RABL6: variants seen among roughly 807,000 people sequenced by gnomAD.
The protein encoded by RABL6 is rab-like protein 6.
A neutral mutation model predicts 72.9 loss-of-function variants in RABL6; 28 were observed. That is an observed-to-expected ratio of 0.38 (90% CI 0.28 to 0.53). The LOEUF is 0.53. Ranked by LOEUF, RABL6 falls within the 20% of genes least tolerant of loss-of-function variation. The probability of loss-of-function intolerance (pLI) is 0.80; values close to 1 mark genes in which losing one functional copy is unlikely to be tolerated. For missense variants in RABL6, 1,029 were observed against 1,008.4 expected, an observed-to-expected ratio of 1.02 and a Z score of -0.28; for synonymous variants, 477 against 421.2, an observed-to-expected ratio of 1.13 and a Z score of -1.62.
In RABL6 at chr9:136,840,987, A is replaced by G. The variant is rs1848687039; in HGVS notation, c.*465A>G. On this transcript the variant is annotated 3_prime_UTR_variant, in exon 15 of 15. Transcript: ENST00000311502. ...GCCCTGAACACGGGTGTGCAGACTC[A>G]CCCTAAAGGGCGGCCCAGGCCCCAC... 1.4e-6 allele frequency: 2 copies of G among 1,446,276 alleles called. No homozygotes were observed. The highest frequency in any genetic ancestry group is 2.8e-5 in the Admixed American group (1 of 35,246). 89.6% of individuals were successfully genotyped at this position (1,446,276 alleles called of 1,614,324 possible). A position where few individuals can be genotyped will look rare whatever the true frequency, so the allele number is the denominator to read the frequency against.
At chr9:136,832,868 A>C (rs1848507241) in intron 7 of RABL6, 1 of 316,280 alleles carries the variant, frequency 3.2e-6, no homozygotes, top group Admixed American at 4.6e-5. Context: ...GACTAAACTC[A>C]CTTTCCTTTG....
At position 136,841,060 on chromosome 9, in the gene RABL6, G is replaced by T; in HGVS notation, c.*538G>T. On this transcript the variant is annotated 3_prime_UTR_variant, in exon 15 of 15. Coordinates refer to ENST00000311502, the MANE Select transcript of RABL6 (RefSeq NM_024718.5). The stretch of plus-strand genomic sequence containing the variant: ...AGGCAGCATGTGAGGCCTCTCCTGG[G>T]AGTGGGGGTTGTGTTTCCCACAGTG... The T allele has an allele frequency of 7.1e-7, 1 of 1,418,338 alleles. No individual in the cohort carries two copies. The allele number at this position is 1,418,338 out of a possible 1,614,324, so 87.9% of individuals were successfully genotyped here. A position where few individuals can be genotyped will look rare whatever the true frequency, so the allele number is the denominator to read the frequency against.
At position 136,838,831 on chromosome 9, in the gene RABL6, G is replaced by A. The variant is rs534864395; in HGVS notation, c.1281-78G>A. 1.1e-4 allele frequency: 141 copies of A among 1,310,746 alleles called. 1 individual carries two copies. The South Asian group carries it at 1.6e-3, about 15-fold the overall frequency. The allele number at this position is 1,310,746 out of a possible 1,614,324, so 81.2% of individuals were successfully genotyped here. A position where few individuals can be genotyped will look rare whatever the true frequency, so the allele number is the denominator to read the frequency against. Reference sequence around the variant, plus strand: ...GCCAGGGTGTGCTGGGTACCAGGGCGCCTAGAACCAAGGCCCGTGAGCCCG... The same window carrying A: ...GCCAGGGTGTGCTGGGTACCAGGGCACCTAGAACCAAGGCCCGTGAGCCCG... On this transcript the variant is annotated intron_variant, in intron 10 of 14. Transcript: ENST00000311502.
rs370329320 is a variant in RABL6 at position 136,837,940 on chromosome 9, G to A, written c.1205G>A (p.Ser402Asn). The A allele has an allele frequency of 1.9e-6, 3 of 1,562,128 alleles. No homozygotes were observed. The highest frequency in any genetic ancestry group is 2.6e-6 in the Non-Finnish European group (3 of 1,153,992). The part of the protein sequence containing the change: ...DFVPDDRLDR[S>N]FLEDTTPARD... ...GTTCCTGACGACCGCCTGGACCGCAGCTTCCTGGAAGACACAACCCCCGCC... is the reference window on the plus strand; with the variant it reads ...GTTCCTGACGACCGCCTGGACCGCAACTTCCTGGAAGACACAACCCCCGCC... The change falls in exon 10 of 15, where the codon AGC (serine) becomes AAC (asparagine). Residue 402 changes from serine (S) to asparagine (N), a missense_variant. This residue lies in a region of RABL6 where 595 missense variants were observed against 472.4 expected (regional missense o/e 1.26). Coordinates refer to ENST00000311502, the MANE Select transcript of RABL6 (RefSeq NM_024718.5).
intron 4 of RABL6, among the ~76,000 whole-genome samples, chr9:136,828,946 C>T (rs1057291676): frequency 1.2e-4 from 18 of 152,328 alleles, no homozygotes; most frequent in Admixed American, 3.9e-4. Flanking sequence ...CCCAGGGCCT[C>T]GCACTCTCCG....
chr9:136,807,981 G>T lies in RABL6; in HGVS notation c.-216G>T. On this transcript the variant is annotated 5_prime_UTR_variant, in exon 1 of 15. Coordinates refer to ENST00000311502, the MANE Select transcript of RABL6 (RefSeq NM_024718.5). ...GCGCTGACTCCTGGAGAGCGGTCGC[G>T]CCGGAGGCCGCGGGGGCCGGAGCGG... The T allele has an allele frequency of 3.0e-6, 3 of 1,006,558 alleles. No homozygotes were observed. The highest frequency in any genetic ancestry group is 2.4e-6 in the Non-Finnish European group (2 of 845,546). 62.4% of individuals were successfully genotyped at this position (1,006,558 alleles called of 1,614,324 possible). A position where few individuals can be genotyped will look rare whatever the true frequency, so the allele number is the denominator to read the frequency against.
chr9:136,832,052 A>G (rs1848488675), intron 6 of RABL6, 191 bp downstream of exon 6: 2 of 1,007,272 alleles, frequency 2.0e-6, no homozygotes, highest in Non-Finnish European at 2.8e-6. Context: ...TGTGCTGGGG[A>G]ACTGTGTGCC....
chr9:136,839,639 A>G (rs1848651176), intron 12 of RABL6, 55 bp from the exon 13 acceptor site: 2 of 1,545,138 alleles, frequency 1.3e-6, no homozygotes, highest in South Asian at 2.5e-5. Context: ...AGATCCCACA[A>G]CCCCTGGGGG....
intron 1 of RABL6, chr9:136,821,529 GTC>G (rs1220827354): frequency 1.6e-5 from 16 of 985,272 alleles, no homozygotes; most frequent in Admixed American, 6.2e-5. Flanking sequence ...GGCCCGGGCA[GTC>G]TCTGCGAGCC....
At chr9:136,821,416 C>A in intron 1 of RABL6, 1 of 985,396 alleles carries the variant, frequency 1.0e-6, no homozygotes, top group Non-Finnish European at 1.2e-6. Context: ...GGTGCCGGGG[C>A]GGGGAGGCAG....
chr9:136,820,806 C>T (rs1050450898), intron 1 of RABL6, among the ~76,000 whole-genome samples: 1 of 151,930 alleles, frequency 6.6e-6, no homozygotes, highest in African/African-American at 2.4e-5. Flanking sequence ...TTGCAGTATC[C>T]GAATAATATA....
At chr9:136,836,024 C>T (rs755456929) in intron 8 of RABL6, 179 bp downstream of exon 8, 2 of 602,196 alleles carry the variant, frequency 3.3e-6, no homozygotes, top group Middle Eastern at 4.5e-4. Flanking sequence ...AGCAGCCCCC[C>T]CACAGTCACC....
At position 136,837,266 on chromosome 9, in the gene RABL6, C is replaced by T. The variant is rs1319993685; in HGVS notation, c.810-80C>T. The T allele has an allele frequency of 4.2e-6, 6 of 1,437,460 alleles. No homozygotes were observed. In the Admixed American group the frequency reaches 1.2e-4, roughly 28 times the overall value. The allele number at this position is 1,437,460 out of a possible 1,614,324, so 89.0% of individuals were successfully genotyped here. On this transcript the variant is annotated intron_variant, in intron 8 of 14. Transcript: ENST00000311502. The stretch of plus-strand genomic sequence containing the variant: ...TGGCTCTTCCCAGCCCCAGCAGCAG[C>T]AGCAGAGAGCCCCCTGTCACCTGAG...
chr9:136,833,386 TG>T, intron 7 of RABL6: 1 of 332,386 alleles, frequency 3.0e-6, no homozygotes, highest in Non-Finnish European at 5.6e-6. Context: ...CCTCCTTGCC[TG>T]GGCTGCCCCG....
At chr9:136,839,624 G>T in intron 12 of RABL6, 70 bp from the exon 13 acceptor site, 1 of 1,544,414 alleles carries the variant, frequency 6.5e-7, no homozygotes, top group Non-Finnish European at 8.8e-7. Flanking sequence ...TGCCGGCCTG[G>T]TTTGAGATCC....
chr9:136,825,090 A>C (rs960668655), intron 2 of RABL6, among the ~76,000 whole-genome samples: 40 of 152,184 alleles, frequency 2.6e-4, no homozygotes, highest in African/African-American at 9.7e-4. Flanking sequence ...GAGCACAGTC[A>C]TGGGAGCTCA....
chr9:136,840,779 CG>C lies in RABL6; in HGVS notation c.*261del, dbSNP rs1848682093. On this transcript the variant is annotated 3_prime_UTR_variant, in exon 15 of 15. Transcript: ENST00000311502. ...GGCTCGGTGGACACCCTGGCCCTCT[CG>C]GGGCAGAGCCGCCAGTGTTTCTCAG... 6.5e-7 allele frequency: 1 copy of C among 1,547,752 alleles called. No individual in the cohort carries two copies. Among genetic ancestry groups the C allele is most frequent in the African/African-American group, 1.4e-5 (1 of 72,994 alleles).
chr9:136,818,231 C>T (rs1373466927), intron 1 of RABL6, among the ~76,000 whole-genome samples: 2 of 150,434 alleles, frequency 1.3e-5, no homozygotes, highest in East Asian at 2.0e-4. Context: ...GGCGTGGTGG[C>T]GGGCGCCTGT....
In RABL6 at chr9:136,826,062, C is replaced by T. The variant is rs887128204; in HGVS notation, c.313+236C>T. On this transcript the variant is annotated intron_variant, in intron 3 of 14. Coordinates refer to ENST00000311502, the MANE Select transcript of RABL6 (RefSeq NM_024718.5). This position sits in a 1 kb window ranked among gnomAD's most constrained non-coding sequence, Gnocchi z 4.9. ...CATACTCCCCGTCTCTGAGTGACCG[C>T]GTGCACGGTGGCGGCAGGTGCAGCC... 5.9e-5 allele frequency among the ~76,000 whole-genome samples: 9 copies of T among 152,338 alleles called. No individual in the cohort carries two copies. The East Asian group carries it at 9.6e-4, about 16-fold the overall frequency.
Sources: allele counts gnomAD v4.1 joint callset (sites outside exome capture counted in the v4.1 genomes callset), GRCh38; gene constraint gnomAD v4.1.1; regional missense constraint gnomAD v4.1.1; non-coding constraint Gnocchi (gnomAD v3.1); transcripts MANE v1.5; gene names NCBI Gene and HGNC (gene_info 2026-07-23, HGNC 2026-07-21).